Variants in SH2B3 observed in about 807,000 individuals in gnomAD.
SH2B3 encodes the protein SH2B adaptor protein 3, also known as SH2B adapter protein 3.
Under a neutral mutation model 51.9 loss-of-function variants are expected in SH2B3, and 43 were observed. The ratio of observed to expected loss-of-function variants is 0.83; its 90% confidence interval spans 0.65 to 1.07. The LOEUF (loss-of-function observed/expected upper bound fraction) is 1.07. Among genes scored for constraint, SH2B3 ranks in the 50% least tolerant of loss-of-function variants. SH2B3 has a pLI of 0.00. For synonymous variants in SH2B3, 396 were observed against 376.0 expected (o/e 1.05, Z -0.62); for missense variants, 952 against 834.3 (o/e 1.14, Z -1.74).
upstream of SH2B3, among the ~76,000 whole-genome samples, chr12:111,405,775 G>T (rs532367698): frequency 6.6e-6 from 1 of 152,170 alleles, no homozygotes; most frequent in African/African-American, 2.4e-5. The surrounding 1 kb of genome is among the most constrained non-coding windows in gnomAD (Gnocchi z 5.4). Flanking sequence ...GGGCCAGTCC[G>T]GGCTCCGCCC....
In SH2B3 at chr12:111,409,698, T is replaced by G. The variant is rs1870534172; in HGVS notation, c.-28+3421T>G. ...CAGCTTCCCGGGGCTTGAGATCCCT[T>G]GGAGACTGAGCAGGTCCTGAGGCCT... On this transcript the variant is annotated intron_variant, in intron 1 of 7. Coordinates refer to ENST00000341259, the MANE Select transcript of SH2B3 (RefSeq NM_005475.3). This position sits in a 1 kb window ranked among gnomAD's most constrained non-coding sequence, Gnocchi z 4.0. Among the ~76,000 whole-genome samples, 1 of 152,120 alleles carries G rather than the reference T, an allele frequency of 6.6e-6. No homozygotes were observed. Among genetic ancestry groups the G allele is most frequent in the South Asian group, 2.1e-4 (1 of 4,822 alleles).
At chr12:111,424,308 G>A (rs913201389) in intron 2 of SH2B3, among the ~76,000 whole-genome samples, 3 of 152,058 alleles carry the variant, frequency 2.0e-5, no homozygotes, top group African/African-American at 7.2e-5. Flanking sequence ...AGGGCTGTGT[G>A]TCTTGGTGGG....
Position 111,451,138 on chromosome 12 carries a change from AC to A in SH2B3, c.*2838del, listed in dbSNP as rs1240259583. On this transcript the variant is annotated 3_prime_UTR_variant, in exon 8 of 8. Transcript: ENST00000341259. ...TCAACTAACCTGCCTTGAATTTTAGACCAGCAATCCATATGGCTTTATCTGG... is the reference window on the plus strand; with the variant it reads ...TCAACTAACCTGCCTTGAATTTTAGACAGCAATCCATATGGCTTTATCTGG... 6.6e-6 allele frequency: 1 copy of A among 152,640 alleles called. No individual in the cohort carries two copies. The highest frequency in any genetic ancestry group is 2.4e-5 in the African/African-American group (1 of 41,446). The allele number at this position is 152,640 out of a possible 1,614,324, so 9.5% of individuals were successfully genotyped here.
At chr12:111,404,996 A>C (rs1292371786), upstream of SH2B3, among the ~76,000 whole-genome samples, 1 of 151,510 alleles carries the variant, frequency 6.6e-6, no homozygotes, top group African/African-American at 2.4e-5. Flanking sequence ...GGGGAGGGGG[A>C]GAAGAGTACA....
In SH2B3 at chr12:111,445,248, G is replaced by A. The variant is rs538879586; in HGVS notation, c.733-1505G>A. On this transcript the variant is annotated intron_variant, in intron 2 of 7. Coordinates refer to ENST00000341259, the MANE Select transcript of SH2B3 (RefSeq NM_005475.3). The stretch of plus-strand genomic sequence containing the variant: ...CAGTGATCCTTAAGGCCTGCAGCTA[G>A]GGGGAAGGGTGGGGGCCAGGCAGGG... 2.8e-3 allele frequency among the ~76,000 whole-genome samples: 422 copies of A among 152,316 alleles called. 4 individuals carry two copies. The highest frequency in any genetic ancestry group is 9.6e-3 in the African/African-American group (399 of 41,564).
At chr12:111,436,047 G>A (rs527589695) in intron 2 of SH2B3, among the ~76,000 whole-genome samples, 1 of 152,330 alleles carries the variant, frequency 6.6e-6, no homozygotes, top group South Asian at 2.1e-4. Flanking sequence ...GCCTGCTGGG[G>A]ACAGGGCAGG....
chr12:111,431,874 G>A (rs1872519943), intron 2 of SH2B3, among the ~76,000 whole-genome samples: 1 of 151,980 alleles, frequency 6.6e-6, no homozygotes, highest in Non-Finnish European at 1.5e-5. Flanking sequence ...CCAAAGTTCT[G>A]GGATTTACAG....
At chr12:111,439,620 C>A (rs1456970296) in intron 2 of SH2B3, among the ~76,000 whole-genome samples, 1 of 152,198 alleles carries the variant, frequency 6.6e-6, no homozygotes, top group Non-Finnish European at 1.5e-5. Context: ...GCTCTGTTGT[C>A]GAGGCTGGAG....
chr12:111,434,720 CT>C, intron 2 of SH2B3: 2 of 1,374,586 alleles, frequency 1.5e-6, no homozygotes, highest in Non-Finnish European at 1.9e-6. Flanking sequence ...TCTTGGTTTC[CT>C]TTTTCACTTT....
At chr12:111,439,772 C>T (rs544071052) in intron 2 of SH2B3, among the ~76,000 whole-genome samples, 6 of 152,280 alleles carry the variant, frequency 3.9e-5, no homozygotes, top group South Asian at 4.1e-4. Context: ...CAGACTTGGG[C>T]GTAGTCTGAT....
rs1874335204 is a variant in SH2B3, at chr12:111,448,911, A to AAACTT, written c.*613_*617dup. 1 of 153,534 alleles carries AAACTT rather than the reference A, an allele frequency of 6.5e-6. No individual in the cohort carries two copies. The allele number at this position is 153,534 out of a possible 1,614,324, so 9.5% of individuals were successfully genotyped here. Reference sequence around the variant, plus strand: ...AATTTCTTTAAAGGATTCAGGTTCAAAACTTAACCACTGCTTATTTCAGTG... The same window carrying AAACTT: ...AATTTCTTTAAAGGATTCAGGTTCAAAACTTAACTTAACCACTGCTTATTTCAGTG... On this transcript the variant is annotated 3_prime_UTR_variant, in exon 8 of 8. Transcript: ENST00000341259.
At position 111,435,512 on chromosome 12, in the gene SH2B3, C is replaced by T. The variant is rs1565981422; in HGVS notation, c.733-11241C>T. On this transcript the variant is annotated intron_variant, in intron 2 of 7. Coordinates refer to ENST00000341259, the MANE Select transcript of SH2B3 (RefSeq NM_005475.3). The surrounding 1 kb of genome is among the most constrained non-coding windows in gnomAD (Gnocchi z 4.8). ...AGTAGCTGGGACTACACATGCACCA[C>T]CACGCCTGGCTAATTTTTGAATTTT... Among the ~76,000 whole-genome samples the T allele has an allele frequency of 2.0e-5, 3 of 152,248 alleles. No individual in the cohort carries two copies. The highest frequency in any genetic ancestry group is 1.3e-4 in the Admixed American group (2 of 15,276).
At position 111,407,165 on chromosome 12, in the gene SH2B3, T is replaced by G. The variant is rs1870311547; in HGVS notation, c.-28+888T>G. On this transcript the variant is annotated intron_variant, in intron 1 of 7. Coordinates refer to ENST00000341259, the MANE Select transcript of SH2B3 (RefSeq NM_005475.3). This position sits in a 1 kb window ranked among gnomAD's most constrained non-coding sequence, Gnocchi z 4.3. ...TTTCTTTAGTTTCCTCATTCTCCTG[T>G]TTCTCTTCCCCATTCCCAGCCACAA... is the stretch of plus-strand genomic sequence containing the variant. Among the ~76,000 whole-genome samples the G allele has an allele frequency of 6.6e-6, 1 of 152,166 alleles. No homozygotes were observed. Among genetic ancestry groups the G allele is most frequent in the African/African-American group, 2.4e-5 (1 of 41,432 alleles).
intron 2 of SH2B3, among the ~76,000 whole-genome samples, chr12:111,426,390 T>C (rs2135562331): frequency 6.6e-6 from 1 of 151,314 alleles, no homozygotes; most frequent in East Asian, 1.9e-4. Flanking sequence ...TTTATCTTTT[T>C]TTTTTTTTTT....
At chr12:111,440,617 C>T (rs942350179) in intron 2 of SH2B3, among the ~76,000 whole-genome samples, 15 of 152,362 alleles carry the variant, frequency 9.8e-5, no homozygotes, top group Admixed American at 9.1e-4. Flanking sequence ...TAGCCTGGGG[C>T]TGTGCCTTCT....
In SH2B3 at chr12:111,406,705, C is replaced by T. The variant is rs1260944320; in HGVS notation, c.-28+428C>T. 6.6e-6 allele frequency among the ~76,000 whole-genome samples: 1 copy of T among 152,154 alleles called. No homozygotes were observed. The highest frequency in any genetic ancestry group is 2.4e-5 in the African/African-American group (1 of 41,436). On this transcript the variant is annotated intron_variant, in intron 1 of 7. Transcript: ENST00000341259. The surrounding 1 kb of genome is among the most constrained non-coding windows in gnomAD (Gnocchi z 5.7). ...ACAGATGAGCCCTTGGGTGTGGGGGCAGCGGGGGAGGATGCGCCGGCCCCT... is the reference window on the plus strand; with the variant it reads ...ACAGATGAGCCCTTGGGTGTGGGGGTAGCGGGGGAGGATGCGCCGGCCCCT...
intron 1 of SH2B3, among the ~76,000 whole-genome samples, chr12:111,412,416 A>G (rs992151179): frequency 7.2e-5 from 11 of 152,016 alleles, no homozygotes; most frequent in African/African-American, 2.7e-4. Flanking sequence ...CCAGCTCCCC[A>G]TGACGCCCCG....
In SH2B3 at chr12:111,418,832, C is replaced by A. The variant is rs1224528558; in HGVS notation, c.687C>A (p.Gly229=). Residue 229 remains glycine (G), a synonymous_variant, in exon 2 of 8, where the codon GGC becomes GGA. Coordinates refer to ENST00000341259, the MANE Select transcript of SH2B3 (RefSeq NM_005475.3). This position sits in a 1 kb window ranked among gnomAD's most constrained non-coding sequence, Gnocchi z 6.7. ...GGCTGGCGCTGCGCCGGGCCCCGGG[C>A]CCCGATGGCCCCGACCGCGTGCTGG... ...RGRLALRRAP[G]PDGPDRVLEL... 25 of 1,419,458 alleles carry A rather than the reference C, an allele frequency of 1.8e-5. No homozygotes were observed. The highest frequency in any genetic ancestry group is 2.2e-5 in the Non-Finnish European group (24 of 1,100,802). 87.9% of individuals were successfully genotyped at this position (1,419,458 alleles called of 1,614,324 possible).
Position 111,418,098 on chromosome 12 carries a change from C to T in SH2B3, c.-27-21C>T. On this transcript the variant is annotated intron_variant, in intron 1 of 7. Transcript: ENST00000341259. The surrounding 1 kb of genome is among the most constrained non-coding windows in gnomAD (Gnocchi z 6.7). ...CCCACCTGCTTACTCCTTGTCGCCC[C>T]CCCACCCACGTGTCTTTCAGCCCGG... 6.8e-7 allele frequency: 1 copy of T among 1,470,696 alleles called. No homozygotes were observed. The highest frequency in any genetic ancestry group is 8.9e-7 in the Non-Finnish European group (1 of 1,121,728). 91.1% of individuals were successfully genotyped at this position (1,470,696 alleles called of 1,614,324 possible).
Sources: gnomAD v4.1 joint callset for allele counts (sites outside exome capture counted in the v4.1 genomes callset) on GRCh38, gnomAD v4.1.1 for gene constraint, Gnocchi (gnomAD v3.1) non-coding constraint, MANE v1.5 for transcripts, NCBI Gene and HGNC (gene_info 2026-07-23, HGNC 2026-07-21) for gene names.